Variants in MIPOL1 observed in about 807,000 individuals in gnomAD.
The protein encoded by MIPOL1 is mirror-image polydactyly gene 1 protein.
MIPOL1 carries 57 observed loss-of-function variants against 60.9 expected under a neutral mutation model. The observed-to-expected ratio is 0.94, with a 90% CI of 0.76 to 1.17. The LOEUF (loss-of-function observed/expected upper bound fraction) is 1.17. Ranked by LOEUF, MIPOL1 falls within the 50% of genes most tolerant of loss-of-function variation. The pLI, the probability that MIPOL1 is intolerant of heterozygous loss-of-function variation, is 0.00. For missense variants in MIPOL1, 551 were observed against 511.6 expected (o/e 1.08, Z -0.74); for synonymous variants, 179 against 168.8 (o/e 1.06, Z -0.47).
At chr14:37,207,665 C>T (rs1186910268) in intron 1 of MIPOL1, among the ~76,000 whole-genome samples, 1 of 152,008 alleles carries the variant, frequency 6.6e-6, no homozygotes, top group Non-Finnish European at 1.5e-5. Flanking sequence ...TGTGCTTCAG[C>T]CTCCCGAGTA....
At chr14:37,332,412 T>G (rs150149761) in intron 9 of MIPOL1, among the ~76,000 whole-genome samples, 1,878 of 152,332 alleles carry the variant, frequency 0.012, 23 homozygotes, top group African/African-American at 0.035. Context: ...TTAATCTCAC[T>G]TGATCATGTT....
chr14:37,336,079 G>A (rs2090087822), intron 9 of MIPOL1, among the ~76,000 whole-genome samples: 1 of 144,260 alleles, frequency 6.9e-6, no homozygotes, highest in Non-Finnish European at 1.5e-5. Context: ...TTTGTATATG[G>A]TATAAGGTAA....
chr14:37,267,860 A>C (rs945514981), intron 4 of MIPOL1, among the ~76,000 whole-genome samples: 1 of 152,146 alleles, frequency 6.6e-6, no homozygotes, highest in African/African-American at 2.4e-5. Flanking sequence ...GGTTTGGGTT[A>C]GCGCTATTTT....
intron 9 of MIPOL1, among the ~76,000 whole-genome samples, chr14:37,317,432 C>T (rs2088033866): frequency 6.6e-6 from 1 of 152,100 alleles, no homozygotes; most frequent in African/African-American, 2.4e-5. Flanking sequence ...GTATTCCAAT[C>T]TCGAGTGTGG....
intron 12 of MIPOL1, 76 bp downstream of exon 12, chr14:37,500,214 A>C (rs2095196182): frequency 1.0e-6 from 1 of 964,086 alleles, no homozygotes; most frequent in East Asian, 2.6e-5. Context: ...GAACTAAACA[A>C]TATGTAGTTA....
chr14:37,209,492 CTA>C (rs947299176), intron 1 of MIPOL1, among the ~76,000 whole-genome samples: 2 of 151,988 alleles, frequency 1.3e-5, no homozygotes, highest in Non-Finnish European at 2.9e-5. Context: ...AACCCCGTCT[CTA>C]CTAAAAAATA....
At chr14:37,315,881 G>A (rs1157686374) in intron 9 of MIPOL1, among the ~76,000 whole-genome samples, 3 of 152,214 alleles carry the variant, frequency 2.0e-5, no homozygotes, top group African/African-American at 7.2e-5. Flanking sequence ...AAGTTGTGTG[G>A]TGTGTCAACA....
At chr14:37,436,719 A>G (rs2094168715) in intron 11 of MIPOL1, among the ~76,000 whole-genome samples, 1 of 152,218 alleles carries the variant, frequency 6.6e-6, no homozygotes, top group Non-Finnish European at 1.5e-5. Context: ...CTGGCAGTAC[A>G]GTCAGATATC....
At chr14:37,416,741 A>G (rs113066014) in intron 10 of MIPOL1, among the ~76,000 whole-genome samples, 210 of 152,288 alleles carry the variant, frequency 1.4e-3, no homozygotes, top group Non-Finnish European at 2.3e-3. Flanking sequence ...TCTGCTGAAG[A>G]TAGAATCATG....
chr14:37,324,110 G>A lies in MIPOL1; in HGVS notation c.828+15591G>A, dbSNP rs377047820. 1.2e-4 allele frequency among the ~76,000 whole-genome samples: 19 copies of A among 152,078 alleles called. No homozygotes were observed. The East Asian group carries it at 3.3e-3, about 26-fold the overall frequency. On this transcript the variant is annotated intron_variant, in intron 9 of 12. Coordinates refer to ENST00000684589, the MANE Select transcript of MIPOL1 (RefSeq NM_001388067.1). ...TGGAATTGCTGGATTATAAGATAGGGATGTATTTATTTTTAAAAGACATCA... is the reference window on the plus strand; with the variant it reads ...TGGAATTGCTGGATTATAAGATAGGAATGTATTTATTTTTAAAAGACATCA...
chr14:37,397,366 C>T (rs1477654035), intron 10 of MIPOL1, among the ~76,000 whole-genome samples: 1 of 119,134 alleles, frequency 8.4e-6, no homozygotes, highest in Non-Finnish European at 1.7e-5. Context: ...GCACCTGTTC[C>T]AGTGGAGGTG....
chr14:37,234,457 C>G (rs983941130), intron 1 of MIPOL1, among the ~76,000 whole-genome samples: 1 of 150,812 alleles, frequency 6.6e-6, no homozygotes, highest in South Asian at 2.1e-4. Flanking sequence ...TCTCAACGTG[C>G]TGGTATTACA....
At chr14:37,361,923 C>T (rs2092278849) in intron 9 of MIPOL1, among the ~76,000 whole-genome samples, 1 of 152,084 alleles carries the variant, frequency 6.6e-6, no homozygotes, top group Admixed American at 6.5e-5. Context: ...TTATCAGAGA[C>T]TAGGATTGCA....
At chr14:37,243,687 A>C (rs970711761) in intron 1 of MIPOL1, among the ~76,000 whole-genome samples, 2 of 152,182 alleles carry the variant, frequency 1.3e-5, no homozygotes, top group African/African-American at 4.8e-5. Context: ...GCTTTTGTGG[A>C]GGAAGGTAGG....
At chr14:37,507,229 A>G (rs747279452) in intron 12 of MIPOL1, 7 of 152,222 alleles carry the variant, frequency 4.6e-5, no homozygotes, top group Non-Finnish European at 8.8e-5. Flanking sequence ...TAGAAATACC[A>G]TTTGACCCAG....
intron 11 of MIPOL1, among the ~76,000 whole-genome samples, chr14:37,433,408 C>T (rs767594185): frequency 6.6e-6 from 1 of 152,046 alleles, no homozygotes; most frequent in Non-Finnish European, 1.5e-5. Flanking sequence ...GTGTGATGGT[C>T]CCCTTCCTGT....
chr14:37,271,016 AT>A (rs886689886), intron 6 of MIPOL1, among the ~76,000 whole-genome samples: 1 of 152,130 alleles, frequency 6.6e-6, no homozygotes, highest in Non-Finnish European at 1.5e-5. Flanking sequence ...GTAGACGCTA[AT>A]AGAGGTAATA....
At chr14:37,435,789 G>A (rs1343859994) in intron 11 of MIPOL1, among the ~76,000 whole-genome samples, 1 of 132,972 alleles carries the variant, frequency 7.5e-6, no homozygotes, top group East Asian at 2.3e-4. Flanking sequence ...TTATGTACAT[G>A]TATTACTTTT....
intron 1 of MIPOL1, among the ~76,000 whole-genome samples, chr14:37,201,266 C>T (rs887845671): frequency 7.2e-5 from 11 of 152,076 alleles, no homozygotes; most frequent in African/African-American, 2.4e-4. Context: ...TCTAAACATA[C>T]TTTATTTGGT....
Sources: allele counts gnomAD v4.1 joint callset (sites outside exome capture counted in the v4.1 genomes callset), GRCh38; gene constraint gnomAD v4.1.1; transcripts MANE v1.5; gene names NCBI Gene and HGNC (gene_info 2026-07-23, HGNC 2026-07-21).